The following CEP43 variants were observed in gnomAD, a reference collection of about 807,000 sequenced individuals.
The protein encoded by CEP43 is FGFR1 oncogene partner.
A neutral mutation model predicts 52.6 loss-of-function variants in CEP43; 36 were observed. That is an observed-to-expected ratio of 0.68 (90% CI 0.52 to 0.90). The LOEUF is 0.90. Ranked by LOEUF, CEP43 falls within the 40% of genes least tolerant of loss-of-function variation. The probability of loss-of-function intolerance (pLI) is 0.00; values close to 1 mark genes in which losing one functional copy is unlikely to be tolerated. For missense variants in CEP43, 506 were observed against 472.8 expected, an observed-to-expected ratio of 1.07 and a Z score of -0.65; for synonymous variants, 192 against 172.4, an observed-to-expected ratio of 1.11 and a Z score of -0.89.
In CEP43 at chr6:167,010,889, G is replaced by A. The variant is rs1779970046; in HGVS notation, c.515G>A (p.Ser172Asn). ...AAAACAAGTGCACAGACAACACCAA[G>A]TAAGGTGAGTTAGCTGTGGAACACG... ...EGKTSAQTTP[S>N]KIPRYKGQGK... is the part of the protein sequence containing the mutation. Residue 172 changes from serine (S) to asparagine (N), a missense_variant, in exon 6 of 13, where the codon AGT becomes AAT. Physicochemically the swap from Ser to Asn is conservative, Grantham distance 46. Coordinates refer to ENST00000366847, the MANE Select transcript of CEP43 (RefSeq NM_007045.4). 4 of 1,588,248 alleles carry A rather than the reference G, an allele frequency of 2.5e-6. No individual in the cohort carries two copies. The highest frequency in any genetic ancestry group is 3.4e-6 in the Non-Finnish European group (4 of 1,166,356).
chr6:167,003,619 A>T (rs1223180411), intron 3 of CEP43, 104 bp from the exon 4 acceptor site: 1 of 676,058 alleles, frequency 1.5e-6, no homozygotes, highest in African/African-American at 1.8e-5. Flanking sequence ...TAAAAAATTT[A>T]GAAACCTTTC....
intron 10 of CEP43, among the ~76,000 whole-genome samples, chr6:167,027,165 G>A (rs553073423): frequency 8.5e-5 from 13 of 152,216 alleles, no homozygotes; most frequent in Non-Finnish European, 1.8e-4. Flanking sequence ...AAAATTGTGA[G>A]ATGTGTTCAG....
intron 8 of CEP43, 138 bp downstream of exon 8, chr6:167,022,773 C>G (rs1780266188): frequency 1.5e-6 from 1 of 649,164 alleles, no homozygotes; most frequent in Non-Finnish European, 2.6e-6. Flanking sequence ...GTTGTTAATG[C>G]CTTTCATGTT....
rs1780885395 is a variant in CEP43 at position 167,052,672 on chromosome 6, T to C, written c.*12694T>C. ...CCACTTACTGCAGTTGCCTACAGTC[T>C]GGGTTTTGTTCAGTTGAAATTAAAT... On this transcript the variant is annotated 3_prime_UTR_variant, in exon 13 of 13. Coordinates refer to ENST00000366847, the MANE Select transcript of CEP43 (RefSeq NM_007045.4). The C allele has an allele frequency of 6.6e-6, 1 of 152,222 alleles. No homozygotes were observed. The highest frequency in any genetic ancestry group is 6.5e-5 in the Admixed American group (1 of 15,288). The allele number at this position is 152,222 out of a possible 1,614,324, so 9.4% of individuals were successfully genotyped here.
At chr6:167,016,225 G>C (rs1780095562) in intron 7 of CEP43, among the ~76,000 whole-genome samples, 1 of 152,078 alleles carries the variant, frequency 6.6e-6, no homozygotes, top group African/African-American at 2.4e-5. Flanking sequence ...AATGTAATAT[G>C]AAAGATCATC....
At chr6:167,032,023 A>G (rs1456227498) in intron 10 of CEP43, among the ~76,000 whole-genome samples, 1 of 151,970 alleles carries the variant, frequency 6.6e-6, no homozygotes, top group Admixed American at 6.6e-5. Flanking sequence ...CTGAATCCTT[A>G]TGTTAACTCT....
chr6:167,036,715 T>C, intron 12 of CEP43: 1 of 983,652 alleles, frequency 1.0e-6, no homozygotes, highest in South Asian at 4.7e-5. Context: ...TGATGTAAAA[T>C]CTATTTTTAT....
intron 7 of CEP43, among the ~76,000 whole-genome samples, chr6:167,021,773 A>C (rs1780237105): frequency 6.6e-6 from 1 of 151,962 alleles, no homozygotes; most frequent in African/African-American, 2.4e-5. Flanking sequence ...ATAGGTTAGG[A>C]AGTTACCCTG....
intron 12 of CEP43, among the ~76,000 whole-genome samples, chr6:167,039,354 C>A (rs1780646590): frequency 6.6e-6 from 1 of 152,280 alleles, no homozygotes; most frequent in East Asian, 1.9e-4. Flanking sequence ...GTCTTGAACT[C>A]CTGACCTCAG....
chr6:167,031,046 T>C (rs1780460069), intron 10 of CEP43, among the ~76,000 whole-genome samples: 1 of 151,902 alleles, frequency 6.6e-6, no homozygotes, highest in Non-Finnish European at 1.5e-5. Context: ...GGTTTTTACA[T>C]TTTTTTTGAG....
Position 167,022,483 on chromosome 6 carries a change from C to T in CEP43, c.654C>T (p.His218=), listed in dbSNP as rs767938257. 3.1e-6 allele frequency: 5 copies of T among 1,614,144 alleles called. No homozygotes were observed. The highest frequency in any genetic ancestry group is 4.2e-6 in the Non-Finnish European group (5 of 1,180,020). The change falls in exon 8 of 13, where the codon CAC becomes CAT. Residue 218 remains histidine, a synonymous_variant. Transcript: ENST00000366847. ...LSEPKSKSSL[H]LLSHETKIGS... ...AACCCAAGAGCAAAAGCAGCCTTCA[C>T]TTACTGTCCCATGAAACAAAAATTG...
At chr6:167,017,680 T>C (rs1055586713) in intron 7 of CEP43, among the ~76,000 whole-genome samples, 1 of 152,042 alleles carries the variant, frequency 6.6e-6, no homozygotes, top group Non-Finnish European at 1.5e-5. Context: ...ACTTCTCTAG[T>C]GCTGACTTTT....
At chr6:167,031,081 A>T (rs1207849148) in intron 10 of CEP43, among the ~76,000 whole-genome samples, 1 of 152,122 alleles carries the variant, frequency 6.6e-6, no homozygotes, top group African/African-American at 2.4e-5. Flanking sequence ...ATTAAAATTT[A>T]AAAAATAAAA....
chr6:167,015,160 GT>G (rs141152171), intron 7 of CEP43, among the ~76,000 whole-genome samples: 3,087 of 152,272 alleles, frequency 0.02, 51 homozygotes, highest in East Asian at 0.092. Context: ...AAGAATCTAG[GT>G]GGGCCCATAT....
intron 2 of CEP43, among the ~76,000 whole-genome samples, chr6:167,001,780 C>G (rs1779741708): frequency 6.6e-6 from 1 of 152,124 alleles, no homozygotes; most frequent in Admixed American, 6.5e-5. Context: ...CTCCTTTGTG[C>G]TTGTTTCTTC....
chr6:167,039,815 G>C (rs1350345291), intron 12 of CEP43, 89 bp from the exon 13 acceptor site: 42 of 1,295,624 alleles, frequency 3.2e-5, no homozygotes, highest in Non-Finnish European at 4.3e-5. Context: ...GAGTAAGGTG[G>C]TATCTCATTG....
rs1184135957 is a variant in CEP43 at position 167,045,928 on chromosome 6, A to C, written c.*5950A>C. 6.6e-6 allele frequency: 1 copy of C among 151,900 alleles called. No individual in the cohort carries two copies. Among genetic ancestry groups the C allele is most frequent in the Non-Finnish European group, 1.5e-5 (1 of 68,054 alleles). 9.4% of individuals were successfully genotyped at this position (151,900 alleles called of 1,614,324 possible). ...CATCCCCTCCTGCCCCAGCACCCCT[A>C]CTGCCCATGCGCCTCTCCTGCCCCA... is the stretch of plus-strand genomic sequence containing the variant. On this transcript the variant is annotated 3_prime_UTR_variant, in exon 13 of 13. Coordinates refer to ENST00000366847, the MANE Select transcript of CEP43 (RefSeq NM_007045.4).
rs1418999380 is a variant in CEP43 at position 167,043,454 on chromosome 6, C to T, written c.*3476C>T. ...GGAGTGCCATGGGGCGACCTCGGCT[C>T]ACTGCAACCCCTGCCTTCTGGGTTC... On this transcript the variant is annotated 3_prime_UTR_variant, in exon 13 of 13. Transcript: ENST00000366847. The T allele has an allele frequency of 6.8e-6, 1 of 147,892 alleles. No homozygotes were observed. The highest frequency in any genetic ancestry group is 1.5e-5 in the Non-Finnish European group (1 of 67,596). The allele number at this position is 147,892 out of a possible 1,614,324, so 9.2% of individuals were successfully genotyped here.
At chr6:167,035,678 TGCCTCA>T in intron 12 of CEP43, among the ~76,000 whole-genome samples, 1 of 152,236 alleles carries the variant, frequency 6.6e-6, no homozygotes, top group Middle Eastern at 3.4e-3. Flanking sequence ...GCCATTCTGC[TGCCTCA>T]GCCTCCCGCG....
Sources: allele counts gnomAD v4.1 joint callset (sites outside exome capture counted in the v4.1 genomes callset), GRCh38; gene constraint gnomAD v4.1.1; transcripts MANE v1.5; gene names NCBI Gene and HGNC (gene_info 2026-07-23, HGNC 2026-07-21).